ATP1B4: variants seen among roughly 807,000 people sequenced by gnomAD.
ATP1B4 encodes protein ATP1B4.
In ATP1B4, 32 loss-of-function variants were observed where a neutral mutation model predicts 29.6. The observed-to-expected ratio is 1.08, with a 90% CI of 0.82 to 1.45. The LOEUF (loss-of-function observed/expected upper bound fraction) is 1.45. ATP1B4 is among the 40% of genes most tolerant of loss of function. The pLI is 0.00. For synonymous variants in ATP1B4, 127 were observed against 102.1 expected (o/e 1.24, Z -1.47); for missense variants, 323 against 276.2 (o/e 1.17, Z -1.20).
At position 120,366,471 on chromosome X, in the gene ATP1B4, G is replaced by A. The variant is rs192261009; in HGVS notation, c.64-54G>A. 5.0e-5 allele frequency: 58 copies of A among 1,150,964 alleles called. No homozygotes were observed. In the African/African-American group the frequency reaches 7.4e-4, roughly 15 times the overall value. 94.9% of individuals were successfully genotyped at this position (1,150,964 alleles called of 1,213,427 possible). On this transcript the variant is annotated intron_variant, in intron 1 of 7. Transcript: ENST00000218008. ...TCGATTTATTTTTGGCTGGTGGGAT[G>A]CACCATTGTACATTTTTTTTCAAAA...
chrX:120,367,880 G>C (rs1273993902), intron 2 of ATP1B4, among the ~76,000 whole-genome samples: 1 of 110,854 alleles, frequency 9.0e-6, no homozygotes, highest in Admixed American at 9.6e-5. Context: ...CCCCACCCCT[G>C]ACCATCCCAC....
chrX:120,370,741 T>A lies in ATP1B4; in HGVS notation c.355T>A (p.Phe119Ile), dbSNP rs1428344783. ...WSLILLIYFF[F>I]YASLAAVITL... ...CCTGATCTTACTCATTTACTTCTTC[T>A]TCTATGCCTCCTTGGCTGCTGTGAT... Residue 119 changes from phenylalanine (F) to isoleucine (I), a missense_variant, in exon 3 of 8, where the codon TTC becomes ATC. Coordinates refer to ENST00000218008, the MANE Select transcript of ATP1B4 (RefSeq NM_001142447.3). 4 of 1,210,085 alleles carry A rather than the reference T, an allele frequency of 3.3e-6. No homozygotes were observed.
At chrX:120,377,268 T>A (rs2058360849) in intron 6 of ATP1B4, among the ~76,000 whole-genome samples, 1 of 112,353 alleles carries the variant, frequency 8.9e-6, no homozygotes, top group Admixed American at 9.5e-5. Flanking sequence ...ATATAGCAGA[T>A]CCTCTGCTAG....
chrX:120,362,413 T>C (rs1455147870), intron 1 of ATP1B4, among the ~76,000 whole-genome samples, 182 bp downstream of exon 1: 1 of 111,230 alleles, frequency 9.0e-6, no homozygotes, highest in Non-Finnish European at 1.9e-5. Context: ...CCGGGCACCC[T>C]AAACTGCTGG....
At chrX:120,368,741 G>A (rs962374206) in intron 2 of ATP1B4, among the ~76,000 whole-genome samples, 16 of 111,622 alleles carry the variant, frequency 1.4e-4, no homozygotes, top group African/African-American at 3.6e-4. Context: ...GACTTGACAC[G>A]GTGTTTTAGT....
chrX:120,375,735 C>T (rs2058350620), intron 5 of ATP1B4, among the ~76,000 whole-genome samples, 167 bp downstream of exon 5: 1 of 109,270 alleles, frequency 9.2e-6, no homozygotes, highest in African/African-American at 3.3e-5. Flanking sequence ...TTTCTTCCCC[C>T]CCGCCCACCG....
At chrX:120,365,875 C>T (rs770721607) in intron 1 of ATP1B4, among the ~76,000 whole-genome samples, 1 of 111,756 alleles carries the variant, frequency 8.9e-6, no homozygotes, top group Non-Finnish European at 1.9e-5. Context: ...GGTTCCAGCT[C>T]TCAGATGGTC....
Position 120,368,216 on chromosome X carries a change from G to A in ATP1B4, c.328+1427G>A, listed in dbSNP as rs372112837. Among the ~76,000 whole-genome samples the A allele has an allele frequency of 9.8e-5, 11 of 112,011 alleles. No homozygotes were observed. The South Asian group carries it at 1.9e-3, about 19-fold the overall frequency. On this transcript the variant is annotated intron_variant, in intron 2 of 7. Coordinates refer to ENST00000218008, the MANE Select transcript of ATP1B4 (RefSeq NM_001142447.3). ...CAATAGGGACACAGCATGATAGGCCGTAGCCAGACCTCTGAGTAGCAGATC... is the reference window on the plus strand; with the variant it reads ...CAATAGGGACACAGCATGATAGGCCATAGCCAGACCTCTGAGTAGCAGATC...
At chrX:120,371,073 G>A (rs754852244) in intron 3 of ATP1B4, 33 bp from the exon 4 acceptor site, 1 of 1,146,885 alleles carries the variant, frequency 8.7e-7, no homozygotes, top group Non-Finnish European at 1.2e-6. Flanking sequence ...CCAAGAATGG[G>A]TTAATATATC....
chrX:120,380,490 A>G lies in ATP1B4; in HGVS notation c.*856A>G, dbSNP rs1470518202. 2 of 112,206 alleles carry G rather than the reference A, an allele frequency of 1.8e-5. No homozygotes were observed. The highest frequency in any genetic ancestry group is 6.5e-5 in the African/African-American group (2 of 30,895). 9.2% of individuals were successfully genotyped at this position (112,206 alleles called of 1,213,427 possible). ...GTGGGGCTCACTGCAACTGGGGAGA[A>G]CACTTAGCATATGGATATGATTGGT... is the stretch of plus-strand genomic sequence containing the variant. On this transcript the variant is annotated 3_prime_UTR_variant, in exon 8 of 8. Coordinates refer to ENST00000218008, the MANE Select transcript of ATP1B4 (RefSeq NM_001142447.3).
chrX:120,367,948 GC>G (rs2058294137), intron 2 of ATP1B4, among the ~76,000 whole-genome samples: 1 of 111,421 alleles, frequency 9.0e-6, no homozygotes, highest in Non-Finnish European at 1.9e-5. Flanking sequence ...TCTGGAAGTT[GC>G]AGACAAATAC....
At chrX:120,369,162 C>T (rs777196285) in intron 2 of ATP1B4, among the ~76,000 whole-genome samples, 65 of 112,249 alleles carry the variant, frequency 5.8e-4, no homozygotes, top group Non-Finnish European at 1.2e-3. Flanking sequence ...ATGGCTCTAG[C>T]TGTTGATCCA....
chrX:120,376,450 T>C lies in ATP1B4; in HGVS notation c.816+14T>C, dbSNP rs763332877. ...TGCAAAGTTCAGGTAAAGAGTCCTT[T>C]TGAGTAAGCATTGTTAGCACATCTG... On this transcript the variant is annotated intron_variant, in intron 6 of 7. Transcript: ENST00000218008. 6.0e-5 allele frequency: 72 copies of C among 1,196,000 alleles called. 1 individual carries two copies. The highest frequency in any genetic ancestry group is 7.8e-5 in the Non-Finnish European group (69 of 882,660).
chrX:120,374,583 AAT>A (rs1301628472), intron 4 of ATP1B4, among the ~76,000 whole-genome samples: 21 of 48,238 alleles, frequency 4.4e-4, no homozygotes, highest in African/African-American at 1.3e-3. Context: ...CCTTATATAT[AAT>A]ATATATATAC....
At chrX:120,367,911 T>C (rs1442764802) in intron 2 of ATP1B4, among the ~76,000 whole-genome samples, 3 of 110,550 alleles carry the variant, frequency 2.7e-5, no homozygotes, top group Non-Finnish European at 3.8e-5. Flanking sequence ...CTGGAACAAA[T>C]GTACCATTTA....
At chrX:120,375,292 G>A in intron 4 of ATP1B4, 80 bp from the exon 5 acceptor site, 1 of 887,142 alleles carries the variant, frequency 1.1e-6, no homozygotes, top group Middle Eastern at 3.2e-4. Flanking sequence ...AGGAAACTTG[G>A]GAGGGAGGAC....
chrX:120,363,077 T>G (rs1001502095), intron 1 of ATP1B4, among the ~76,000 whole-genome samples: 4 of 112,637 alleles, frequency 3.6e-5, no homozygotes, highest in African/African-American at 1.3e-4. Flanking sequence ...CCACACGCAG[T>G]GCTTTTTGGG....
At chrX:120,371,079 A>T in intron 3 of ATP1B4, 27 bp from the exon 4 acceptor site, 2 of 1,163,435 alleles carry the variant, frequency 1.7e-6, no homozygotes, top group Non-Finnish European at 2.3e-6. Context: ...ATGGGTTAAT[A>T]TATCCAAGAC....
chrX:120,374,583 AATATATATATACCCTTATATATAAT>A lies in ATP1B4; in HGVS notation c.563-779_563-755del, dbSNP rs1188290957. 8.4e-3 allele frequency among the ~76,000 whole-genome samples: 404 copies of A among 48,240 alleles called. 16 individuals carry two copies. The highest frequency in any genetic ancestry group is 0.026 in the African/African-American group (355 of 13,561). The allele number at this position is 48,240 out of a possible 115,157, so 41.9% of individuals were successfully genotyped here. On this transcript the variant is annotated intron_variant, in intron 4 of 7. Coordinates refer to ENST00000218008, the MANE Select transcript of ATP1B4 (RefSeq NM_001142447.3). Reference sequence around the variant, plus strand: ...ATAATATATATATACCCTTATATATAATATATATATACCCTTATATATAATATATATATACCCTTATATATAATAT... The same window carrying A: ...ATAATATATATATACCCTTATATATAATATATATACCCTTATATATAATAT...
Sources: gnomAD v4.1 joint callset for allele counts (sites outside exome capture counted in the v4.1 genomes callset) on GRCh38, gnomAD v4.1.1 for gene constraint, MANE v1.5 for transcripts, NCBI Gene and HGNC (gene_info 2026-07-23, HGNC 2026-07-21) for gene names.